BBX: variants seen among roughly 807,000 people sequenced by gnomAD.
BBX encodes HMG box transcription factor BBX.
In BBX, 30 loss-of-function variants were observed where a neutral mutation model predicts 100.2. The ratio of observed to expected loss-of-function variants is 0.30; its 90% CI spans 0.22 to 0.41. BBX has a LOEUF of 0.41. Among genes scored for constraint, BBX ranks in the 10% least tolerant of loss-of-function variants. The pLI, the probability that BBX is intolerant of heterozygous loss-of-function variation, is 1.00. For missense variants in BBX, 1,023 were observed against 1,129.8 expected (o/e 0.91, Z 1.35); for synonymous variants, 376 against 388.1 (o/e 0.97, Z 0.37).
rs534229429 is a variant in BBX at position 107,562,284 on chromosome 3, C to T, written c.-84+35886C>T. On this transcript the variant is annotated intron_variant, in intron 2 of 17. Coordinates refer to ENST00000325805, the MANE Select transcript of BBX (RefSeq NM_001142568.3). ...TTCTGAAATTGTGTGTTCAAATAAACACACTTGTTTTAAGGGAAGTTTCGC... is the reference window on the plus strand; with the variant it reads ...TTCTGAAATTGTGTGTTCAAATAAATACACTTGTTTTAAGGGAAGTTTCGC... 4.0e-4 allele frequency among the ~76,000 whole-genome samples: 61 copies of T among 152,266 alleles called. No homozygotes were observed. In the South Asian group the frequency reaches 0.012, roughly 31 times the overall value.
At chr3:107,755,875 G>A (rs1279836528) in intron 10 of BBX, among the ~76,000 whole-genome samples, 197 bp downstream of exon 10, 1 of 152,132 alleles carries the variant, frequency 6.6e-6, no homozygotes, top group Non-Finnish European at 1.5e-5. Context: ...CATTGCTAAA[G>A]GTTACCTAGA....
chr3:107,574,438 C>CT (rs1268734005), intron 2 of BBX, among the ~76,000 whole-genome samples: 6 of 152,116 alleles, frequency 3.9e-5, no homozygotes, highest in African/African-American at 1.4e-4. Context: ...AAATATATAT[C>CT]TTAGATAAGT....
At chr3:107,647,110 T>G (rs1271109957) in intron 3 of BBX, among the ~76,000 whole-genome samples, 2 of 152,188 alleles carry the variant, frequency 1.3e-5, no homozygotes, top group Non-Finnish European at 2.9e-5. Flanking sequence ...TTAATACAAA[T>G]TCTGAACTTA....
chr3:107,523,690 T>TGGGGCCTGGGGAGCA (rs1438587409), intron 1 of BBX: 2 of 149,970 alleles, frequency 1.3e-5, no homozygotes, highest in Non-Finnish European at 3.0e-5. Flanking sequence ...GCCGGGGAGG[T>TGGGGCCTGGGGAGCA]GGGGCCTGGG....
chr3:107,773,540 G>T lies in BBX; in HGVS notation c.1819G>T (p.Gly607Cys). The change falls in exon 11 of 18, where the codon GGT becomes TGT. Residue 607 changes from glycine to cysteine, a missense_variant. Gly to Cys is a radical substitution (Grantham distance 159). Transcript: ENST00000325805. The surrounding 1 kb of genome is among the most constrained non-coding windows in gnomAD (Gnocchi z 4.1). ...SDCHRKIETC[G>C]SRKSERSCKG... The stretch of plus-strand genomic sequence containing the variant: ...CTGTCACAGAAAAATAGAAACTTGT[G>T]GTTCCAGGAAATCCGAGAGGTCTTG... 1.2e-6 allele frequency: 2 copies of T among 1,614,028 alleles called. No homozygotes were observed. Among genetic ancestry groups the T allele is most frequent in the Non-Finnish European group, 8.5e-7 (1 of 1,179,964 alleles).
intron 3 of BBX, among the ~76,000 whole-genome samples, chr3:107,656,834 T>C (rs1224537980): frequency 1.3e-5 from 2 of 152,138 alleles, no homozygotes; most frequent in Non-Finnish European, 1.5e-5. Flanking sequence ...GAGGGAGATA[T>C]ACAAATAAAC....
chr3:107,782,581 G>A (rs1235457484), intron 13 of BBX, among the ~76,000 whole-genome samples: 1 of 152,018 alleles, frequency 6.6e-6, no homozygotes, highest in African/African-American at 2.4e-5. Flanking sequence ...AGTGGCTCCT[G>A]TGTCACTGCA....
intron 3 of BBX, among the ~76,000 whole-genome samples, chr3:107,650,177 C>A (rs533129195): frequency 1.0e-3 from 154 of 152,246 alleles, no homozygotes; most frequent in African/African-American, 3.6e-3. Context: ...CGGACTGGTA[C>A]TGGTCCATGG....
chr3:107,744,814 C>A, intron 8 of BBX, 104 bp downstream of exon 8: 1 of 906,592 alleles, frequency 1.1e-6, no homozygotes, highest in Non-Finnish European at 1.8e-6. Context: ...CTACTCAGCT[C>A]AACCATAAGT....
chr3:107,648,036 A>G (rs1206528623), intron 3 of BBX, among the ~76,000 whole-genome samples: 5 of 152,156 alleles, frequency 3.3e-5, no homozygotes, highest in Non-Finnish European at 7.4e-5. Context: ...GTAAGAGGGG[A>G]TAGGGAAAGA....
chr3:107,666,791 C>G (rs551822938), intron 3 of BBX, among the ~76,000 whole-genome samples: 1 of 152,252 alleles, frequency 6.6e-6, no homozygotes, highest in East Asian at 1.9e-4. Context: ...GGGATGGTCT[C>G]AATCTCTTGA....
chr3:107,750,399 A>G (rs2064988102), intron 9 of BBX, among the ~76,000 whole-genome samples: 1 of 152,214 alleles, frequency 6.6e-6, no homozygotes, highest in Non-Finnish European at 1.5e-5. Context: ...GTGTAAAAAT[A>G]TATTATTTTC....
rs143570105 is a variant in BBX at position 107,648,284 on chromosome 3, A to G, written c.-10+2375A>G. Among the ~76,000 whole-genome samples the G allele has an allele frequency of 3.3e-5, 5 of 152,252 alleles. No homozygotes were observed. The East Asian group carries it at 7.7e-4, about 24-fold the overall frequency. Reference sequence around the variant, plus strand: ...GTTTCTTGATGTTTTGAACCTTACAACTTTTCCTAAAACTTAGGAAAAGTT... The same window carrying G: ...GTTTCTTGATGTTTTGAACCTTACAGCTTTTCCTAAAACTTAGGAAAAGTT... On this transcript the variant is annotated intron_variant, in intron 3 of 17. Coordinates refer to ENST00000325805, the MANE Select transcript of BBX (RefSeq NM_001142568.3).
At chr3:107,736,073 G>A (rs2107550156) in intron 7 of BBX, among the ~76,000 whole-genome samples, 1 of 152,060 alleles carries the variant, frequency 6.6e-6, no homozygotes, top group South Asian at 2.1e-4. Context: ...AACAATGTTG[G>A]TTGTTACAGA....
chr3:107,742,783 C>G (rs2064220207), intron 7 of BBX, among the ~76,000 whole-genome samples: 1 of 152,094 alleles, frequency 6.6e-6, no homozygotes, highest in African/African-American at 2.4e-5. Context: ...ATTATAGATG[C>G]CTTCATAATT....
rs66512735 is a variant in BBX at position 107,779,020 on chromosome 3, T to TAC, written c.2203+517_2203+518dup. On this transcript the variant is annotated intron_variant, in intron 13 of 17. Coordinates refer to ENST00000325805, the MANE Select transcript of BBX (RefSeq NM_001142568.3). ...ATATATATATATATATATATATATATACACACACACACACACATATACATT... is the reference window on the plus strand; with the variant it reads ...ATATATATATATATATATATATATATACACACACACACACACACATATACATT... Among the ~76,000 whole-genome samples, 10 of 95,816 alleles carry TAC rather than the reference T, an allele frequency of 1.0e-4. 1 individual carries two copies. The highest frequency in any genetic ancestry group is 3.7e-4 in the African/African-American group (9 of 24,568). The allele number at this position is 95,816 out of a possible 152,430, so 62.9% of individuals were successfully genotyped here. A position where few individuals can be genotyped will look rare whatever the true frequency, so the allele number is the denominator to read the frequency against.
chr3:107,662,301 G>A (rs1251089565), intron 3 of BBX, among the ~76,000 whole-genome samples: 1 of 152,052 alleles, frequency 6.6e-6, no homozygotes, highest in East Asian at 1.9e-4. Flanking sequence ...TAATTTCTGT[G>A]GGGCTTGGCA....
At chr3:107,730,983 T>G (rs765846927) in intron 6 of BBX, among the ~76,000 whole-genome samples, 2 of 152,164 alleles carry the variant, frequency 1.3e-5, no homozygotes, top group African/African-American at 2.4e-5. Flanking sequence ...GCTTGCCCAG[T>G]AGTCCTTGTC....
At chr3:107,661,208 A>G (rs1029171500) in intron 3 of BBX, among the ~76,000 whole-genome samples, 4 of 152,140 alleles carry the variant, frequency 2.6e-5, no homozygotes, top group Admixed American at 6.6e-5. Flanking sequence ...TCAGTGTCCC[A>G]TAAGATAGAA....
Sources: allele counts gnomAD v4.1 joint callset (sites outside exome capture counted in the v4.1 genomes callset), GRCh38; gene constraint gnomAD v4.1.1; non-coding constraint Gnocchi (gnomAD v3.1); transcripts MANE v1.5; gene names NCBI Gene and HGNC (gene_info 2026-07-23, HGNC 2026-07-21).